The following TAFA1 variants were observed in gnomAD, a reference collection of about 807,000 sequenced individuals.
The protein encoded by TAFA1 is chemokine-like protein TAFA-1.
A neutral mutation model predicts 18.5 loss-of-function variants in TAFA1; 4 were observed. The observed-to-expected ratio is 0.22, with a 90% CI of 0.11 to 0.49. The LOEUF (loss-of-function observed/expected upper bound fraction) is 0.49. TAFA1 is among the 20% of genes least tolerant of loss of function. TAFA1 has a pLI of 0.98. For synonymous variants in TAFA1, 56 were observed against 55.2 expected (o/e 1.01, Z -0.06); for missense variants, 147 against 169.0 (o/e 0.87, Z 0.72).
intron 2 of TAFA1, among the ~76,000 whole-genome samples, chr3:68,241,620 C>T (rs2067001571): frequency 6.6e-6 from 1 of 152,030 alleles, no homozygotes; most frequent in African/African-American, 2.4e-5. Context: ...ACATTGTTGC[C>T]TTTTAATTTC....
intron 2 of TAFA1, among the ~76,000 whole-genome samples, chr3:68,394,724 G>T (rs2070339441): frequency 6.6e-6 from 1 of 152,158 alleles, no homozygotes; most frequent in Non-Finnish European, 1.5e-5. Context: ...AATAAATGGT[G>T]TTGGGAAAAC....
At position 68,094,418 on chromosome 3, in the gene TAFA1, G is replaced by T. The variant is rs563544236; in HGVS notation, c.118+87674G>T. 3.9e-5 allele frequency among the ~76,000 whole-genome samples: 6 copies of T among 152,288 alleles called. No homozygotes were observed. The South Asian group carries it at 1.2e-3, about 32-fold the overall frequency. On this transcript the variant is annotated intron_variant, in intron 2 of 4. Transcript: ENST00000478136. Reference sequence around the variant, plus strand: ...TATTATATTCCCGGAGGTATCTCCAGTTCCTGGAACACAGTAGGGACTTGT... The same window carrying T: ...TATTATATTCCCGGAGGTATCTCCATTTCCTGGAACACAGTAGGGACTTGT...
intron 3 of TAFA1, among the ~76,000 whole-genome samples, chr3:68,417,931 C>T (rs1192831259): frequency 1.3e-5 from 2 of 152,204 alleles, no homozygotes; most frequent in Admixed American, 6.5e-5. Context: ...ACAACCAGAT[C>T]TTGTGAGAAC....
At chr3:68,299,376 C>A (rs1442269927) in intron 2 of TAFA1, among the ~76,000 whole-genome samples, 1 of 152,180 alleles carries the variant, frequency 6.6e-6, no homozygotes, top group East Asian at 1.9e-4. Flanking sequence ...AGGTATCTAG[C>A]AGAAGAAATT....
At chr3:68,414,874 A>G (rs1467780367) in intron 2 of TAFA1, among the ~76,000 whole-genome samples, 3 of 152,206 alleles carry the variant, frequency 2.0e-5, no homozygotes, top group Admixed American at 6.5e-5. Flanking sequence ...GCCATTTTCA[A>G]TCATAAATAT....
chr3:68,369,783 A>G (rs2069643937), intron 2 of TAFA1, among the ~76,000 whole-genome samples: 1 of 152,292 alleles, frequency 6.6e-6, no homozygotes, highest in South Asian at 2.1e-4. Context: ...TCCTGTTTCT[A>G]GAATGGTGTG....
At chr3:68,122,449 G>GA (rs2106863240) in intron 2 of TAFA1, among the ~76,000 whole-genome samples, 1 of 152,218 alleles carries the variant, frequency 6.6e-6, no homozygotes, top group East Asian at 1.9e-4. Flanking sequence ...AGTGAAGATT[G>GA]AAAAAGAATC....
At chr3:68,411,283 A>T (rs1450601133) in intron 2 of TAFA1, among the ~76,000 whole-genome samples, 1 of 152,184 alleles carries the variant, frequency 6.6e-6, no homozygotes, top group Non-Finnish European at 1.5e-5. Context: ...GGAATGTGGG[A>T]CGGTGTGTAT....
At chr3:68,336,131 A>G (rs2068966128) in intron 2 of TAFA1, among the ~76,000 whole-genome samples, 1 of 152,228 alleles carries the variant, frequency 6.6e-6, no homozygotes, top group Non-Finnish European at 1.5e-5. Flanking sequence ...TAATTTGACA[A>G]TAAAGAACAT....
Position 68,453,137 on chromosome 3 carries a change from C to T in TAFA1, c.259+35717C>T, listed in dbSNP as rs920380049. The stretch of plus-strand genomic sequence containing the variant: ...AAGCGCTTACTAACCTCGAGAGTCA[C>T]CCGACTCCAGATTTTTGAATTCTTT... On this transcript the variant is annotated intron_variant, in intron 3 of 4. Coordinates refer to ENST00000478136, the MANE Select transcript of TAFA1 (RefSeq NM_213609.4). Among the ~76,000 whole-genome samples, 3 of 152,094 alleles carry T rather than the reference C, an allele frequency of 2.0e-5. No individual in the cohort carries two copies. The South Asian group carries it at 6.2e-4, about 32-fold the overall frequency.
chr3:68,412,900 G>A (rs1238363927), intron 2 of TAFA1, among the ~76,000 whole-genome samples: 2 of 151,836 alleles, frequency 1.3e-5, no homozygotes, highest in Admixed American at 6.6e-5. Flanking sequence ...CCAGTAAGGG[G>A]ATGGCTGGGT....
chr3:68,226,138 A>T (rs2066797422), intron 2 of TAFA1, among the ~76,000 whole-genome samples: 1 of 152,196 alleles, frequency 6.6e-6, no homozygotes, highest in Non-Finnish European at 1.5e-5. Flanking sequence ...CTCAGTCTCA[A>T]GGGTCTGCCT....
chr3:68,067,973 A>C (rs915892782), intron 2 of TAFA1, among the ~76,000 whole-genome samples: 6 of 151,568 alleles, frequency 4.0e-5, no homozygotes, highest in African/African-American at 1.5e-4. Context: ...AAAACAAGAC[A>C]AAAAAAAAGT....
chr3:68,128,569 A>T (rs1462623368), intron 2 of TAFA1, among the ~76,000 whole-genome samples: 1 of 152,206 alleles, frequency 6.6e-6, no homozygotes, highest in Non-Finnish European at 1.5e-5. Context: ...GTTAGAGCAG[A>T]CTTCCCCACC....
intron 2 of TAFA1, among the ~76,000 whole-genome samples, chr3:68,287,911 G>A (rs1055148868): frequency 2.3e-5 from 3 of 132,912 alleles, no homozygotes; most frequent in Admixed American, 7.7e-5. Context: ...TTTTGTTGGG[G>A]GGTGGGGGGG....
intron 2 of TAFA1, among the ~76,000 whole-genome samples, chr3:68,287,062 T>G (rs1181673604): frequency 6.6e-6 from 1 of 152,142 alleles, no homozygotes; most frequent in Non-Finnish European, 1.5e-5. Context: ...AGGCCTAGAA[T>G]TAAAAGTGAT....
At chr3:68,110,292 G>A (rs763302673) in intron 2 of TAFA1, among the ~76,000 whole-genome samples, 2 of 152,088 alleles carry the variant, frequency 1.3e-5, no homozygotes, top group Non-Finnish European at 2.9e-5. Flanking sequence ...CCATGTCTCT[G>A]CAAAGAACAT....
intron 2 of TAFA1, among the ~76,000 whole-genome samples, chr3:68,270,880 A>G (rs186333117): frequency 4.6e-4 from 70 of 152,302 alleles, no homozygotes; most frequent in Non-Finnish European, 8.2e-4. Context: ...TTTGTTTTTT[A>G]AGAAAGCTGA....
intron 2 of TAFA1, among the ~76,000 whole-genome samples, chr3:68,252,579 A>T (rs888234108): frequency 5.3e-5 from 8 of 152,108 alleles, no homozygotes; most frequent in Non-Finnish European, 1.5e-5. Flanking sequence ...ATCGTCAGGC[A>T]TCTCTCTTAT....
Sources: gnomAD v4.1 joint callset for allele counts (sites outside exome capture counted in the v4.1 genomes callset) on GRCh38, gnomAD v4.1.1 for gene constraint, MANE v1.5 for transcripts, NCBI Gene and HGNC (gene_info 2026-07-23, HGNC 2026-07-21) for gene names.